The following SLC15A5 variants were observed in gnomAD, a reference collection of about 807,000 sequenced individuals.
The protein encoded by SLC15A5 is solute carrier family 15 member 5, also known as Peptide/histidine transporter ENSP00000340402.
Under a neutral mutation model 56.1 loss-of-function variants are expected in SLC15A5, and 58 were observed. The ratio of observed to expected loss-of-function variants is 1.03; its 90% CI spans 0.84 to 1.29. SLC15A5 has a LOEUF of 1.29. Ranked by LOEUF, SLC15A5 falls within the 50% of genes most tolerant of loss-of-function variation. The pLI, the probability that SLC15A5 is intolerant of heterozygous loss-of-function variation, is 0.00. For missense variants in SLC15A5, 681 were observed against 672.1 expected, an observed-to-expected ratio of 1.01 and a Z score of -0.15; for synonymous variants, 264 against 250.5, an observed-to-expected ratio of 1.05 and a Z score of -0.51.
At chr12:16,202,876 C>A (rs566635243) in intron 7 of SLC15A5, among the ~76,000 whole-genome samples, 1 of 151,844 alleles carries the variant, frequency 6.6e-6, no homozygotes, top group East Asian at 1.9e-4. Context: ...AGACGAATAC[C>A]ATATCATCTC....
At chr12:16,199,623 A>G (rs925942937) in intron 7 of SLC15A5, among the ~76,000 whole-genome samples, 1 of 152,176 alleles carries the variant, frequency 6.6e-6, no homozygotes, top group Non-Finnish European at 1.5e-5. Flanking sequence ...CAGGACAAGA[A>G]GAAATGGGAA....
intron 5 of SLC15A5, among the ~76,000 whole-genome samples, chr12:16,234,228 G>A (rs1864326102): frequency 6.6e-6 from 1 of 152,012 alleles, no homozygotes; most frequent in Non-Finnish European, 1.5e-5. Flanking sequence ...TTATGACAGT[G>A]GAACACTGAT....
intron 4 of SLC15A5, among the ~76,000 whole-genome samples, chr12:16,241,638 A>G (rs1864415710): frequency 6.6e-6 from 1 of 152,210 alleles, no homozygotes; most frequent in African/African-American, 2.4e-5. Context: ...CTTCAATAAA[A>G]TTATTAAGCA....
At chr12:16,202,502 A>C (rs545068882) in intron 7 of SLC15A5, among the ~76,000 whole-genome samples, 22 of 152,296 alleles carry the variant, frequency 1.4e-4, no homozygotes, top group African/African-American at 5.3e-4. Flanking sequence ...TGAGAATGCA[A>C]ATTAGTACAT....
At chr12:16,231,351 G>A (rs1322083769) in intron 5 of SLC15A5, among the ~76,000 whole-genome samples, 5 of 152,112 alleles carry the variant, frequency 3.3e-5, no homozygotes, top group Non-Finnish European at 7.4e-5. Context: ...GTCAGAGAAA[G>A]AGAAAACAAT....
chr12:16,244,402 G>C (rs145025601), intron 4 of SLC15A5, among the ~76,000 whole-genome samples, 178 bp downstream of exon 4: 2 of 152,162 alleles, frequency 1.3e-5, no homozygotes, highest in African/African-American at 4.8e-5. Context: ...GTATACCTCT[G>C]CCTGACCCCG....
chr12:16,238,453 C>G (rs969533164), intron 5 of SLC15A5, among the ~76,000 whole-genome samples: 2 of 151,698 alleles, frequency 1.3e-5, no homozygotes, highest in African/African-American at 4.8e-5. Flanking sequence ...CAGTGAAACC[C>G]CGTCTCTACT....
rs551742373 is a variant in SLC15A5 at position 16,271,734 on chromosome 12, A to G, written c.584+827T>C. ...GATAGATAACAAAGAATAACAAAGA[A>G]GTTTTATACTAAATTCTTAACTACC... On this transcript the variant is annotated intron_variant, in intron 2 of 8. Transcript: ENST00000344941. This position sits in a 1 kb window ranked among gnomAD's most constrained non-coding sequence, Gnocchi z 8.0. Among the ~76,000 whole-genome samples, 168 of 152,278 alleles carry G rather than the reference A, an allele frequency of 1.1e-3. 2 individuals carry two copies. The highest frequency in any genetic ancestry group is 2.4e-3 in the Admixed American group (36 of 15,286).
chr12:16,199,760 A>G (rs1376244856), intron 7 of SLC15A5, among the ~76,000 whole-genome samples: 1 of 152,140 alleles, frequency 6.6e-6, no homozygotes, highest in Non-Finnish European at 1.5e-5. Flanking sequence ...TAAAATAATA[A>G]AAGAAGTAAT....
At chr12:16,201,656 TC>T (rs1365174998) in intron 7 of SLC15A5, among the ~76,000 whole-genome samples, 1 of 152,002 alleles carries the variant, frequency 6.6e-6, no homozygotes, top group East Asian at 1.9e-4. Flanking sequence ...AAGGGGCTCT[TC>T]CCCCTTCACT....
At position 16,264,713 on chromosome 12, in the gene SLC15A5, G is replaced by A. The variant is rs191068303; in HGVS notation, c.585-6843C>T. ...GGCACATCTTTCCCATGCTGTTCTCGTGATAGTGAATAGGTCTTACAAGAT... is the reference window on the plus strand; with the variant it reads ...GGCACATCTTTCCCATGCTGTTCTCATGATAGTGAATAGGTCTTACAAGAT... On this transcript the variant is annotated intron_variant, in intron 2 of 8. Transcript: ENST00000344941. 1.1e-3 allele frequency among the ~76,000 whole-genome samples: 171 copies of A among 152,260 alleles called. 1 individual carries two copies. Among genetic ancestry groups the A allele is most frequent in the African/African-American group, 3.8e-3 (156 of 41,544 alleles).
intron 3 of SLC15A5, among the ~76,000 whole-genome samples, chr12:16,256,443 G>A (rs1286594003): frequency 6.6e-6 from 1 of 152,144 alleles, no homozygotes; most frequent in Non-Finnish European, 1.5e-5. Context: ...CTGAATCTGC[G>A]AGTATCTAGG....
At chr12:16,229,332 C>A (rs1248527796) in intron 5 of SLC15A5, among the ~76,000 whole-genome samples, 1 of 152,104 alleles carries the variant, frequency 6.6e-6, no homozygotes, top group Non-Finnish European at 1.5e-5. Flanking sequence ...CTTCATCTTT[C>A]TTGAATATCT....
rs542321991 is a variant in SLC15A5 at position 16,269,713 on chromosome 12, A to G, written c.584+2848T>C. On this transcript the variant is annotated intron_variant, in intron 2 of 8. Coordinates refer to ENST00000344941, the MANE Select transcript of SLC15A5 (RefSeq NM_001170798.1). This position sits in a 1 kb window ranked among gnomAD's most constrained non-coding sequence, Gnocchi z 4.7. ...TAGACTTTCTTCAAGAACTTTACCA[A>G]TATTCTATTTGGGCTTTTAATCATG... is the stretch of plus-strand genomic sequence containing the variant. 2.0e-5 allele frequency among the ~76,000 whole-genome samples: 3 copies of G among 152,298 alleles called. No individual in the cohort carries two copies. Among genetic ancestry groups the G allele is most frequent in the Non-Finnish European group, 4.4e-5 (3 of 68,026 alleles).
At chr12:16,241,077 T>A (rs1864410273) in intron 4 of SLC15A5, among the ~76,000 whole-genome samples, 2 of 152,164 alleles carry the variant, frequency 1.3e-5, no homozygotes, top group Admixed American at 1.3e-4. Context: ...CCTCTCAAAG[T>A]GCTGGGATTA....
chr12:16,254,891 G>T (rs534629703), intron 3 of SLC15A5, among the ~76,000 whole-genome samples: 2 of 152,232 alleles, frequency 1.3e-5, no homozygotes, highest in East Asian at 3.9e-4. Flanking sequence ...CAAAATTATA[G>T]CTAGGTAGGA....
At chr12:16,194,013 T>A (rs1863869897) in intron 8 of SLC15A5, among the ~76,000 whole-genome samples, 3 of 152,090 alleles carry the variant, frequency 2.0e-5, no homozygotes, top group Non-Finnish European at 4.4e-5. Flanking sequence ...TTTCTAGCTA[T>A]TTGTTTAATG....
At position 16,208,401 on chromosome 12, in the gene SLC15A5, G is replaced by A. The variant is rs117304850; in HGVS notation, c.1483+8492C>T. ...TCTCAGAAATAAAGTATTAGGTGTG[G>A]TGGCTTTTGCTATATTCCCATCTAC... On this transcript the variant is annotated intron_variant, in intron 7 of 8. Coordinates refer to ENST00000344941, the MANE Select transcript of SLC15A5 (RefSeq NM_001170798.1). 1.8e-3 allele frequency among the ~76,000 whole-genome samples: 271 copies of A among 152,276 alleles called. 6 individuals are homozygous for A. In the East Asian group the frequency reaches 0.028, roughly 16 times the overall value.
intron 3 of SLC15A5, among the ~76,000 whole-genome samples, chr12:16,249,232 A>G (rs1169794373): frequency 6.6e-6 from 1 of 152,082 alleles, no homozygotes; most frequent in Non-Finnish European, 1.5e-5. Context: ...ACATAATGAA[A>G]TGCATGGTCC....
Sources: allele counts gnomAD v4.1 joint callset (sites outside exome capture counted in the v4.1 genomes callset), GRCh38; gene constraint gnomAD v4.1.1; non-coding constraint Gnocchi (gnomAD v3.1); transcripts MANE v1.5; gene names NCBI Gene and HGNC (gene_info 2026-07-23, HGNC 2026-07-21).